ZGRF1: variants seen among roughly 807,000 people sequenced by gnomAD.
ZGRF1 encodes zinc finger GRF-type containing 1.
In ZGRF1, 196 loss-of-function variants were observed where a neutral mutation model predicts 203.5. That is an observed-to-expected ratio of 0.96 (90% CI 0.86 to 1.08). The LOEUF is 1.08. ZGRF1 is among the 50% of genes least tolerant of loss of function. ZGRF1 has a pLI of 0.00. For synonymous variants in ZGRF1, 809 were observed against 841.3 expected (o/e 0.96, Z 0.66); for missense variants, 2,326 against 2,416.3 (o/e 0.96, Z 0.78).
intron 18 of ZGRF1, 85 bp downstream of exon 18, chr4:112,562,286 T>C (rs747234536): frequency 8.1e-6 from 6 of 741,154 alleles, no homozygotes; most frequent in Non-Finnish European, 1.4e-5. Flanking sequence ...GCAACATTTA[T>C]ATACTGTACT....
chr4:112,596,111 C>G (rs1416523862), intron 10 of ZGRF1, among the ~76,000 whole-genome samples: 1 of 152,120 alleles, frequency 6.6e-6, no homozygotes, highest in East Asian at 1.9e-4. Context: ...ACATAAGTTT[C>G]TTTTTCAATA....
intron 4 of ZGRF1, among the ~76,000 whole-genome samples, chr4:112,622,881 C>T (rs1260144608): frequency 1.3e-5 from 2 of 152,010 alleles, no homozygotes; most frequent in African/African-American, 2.4e-5. Flanking sequence ...TAGGTAAACC[C>T]GTGTCATGGC....
chr4:112,605,255 G>A (rs1270070090), intron 9 of ZGRF1, among the ~76,000 whole-genome samples: 1 of 152,044 alleles, frequency 6.6e-6, no homozygotes, highest in African/African-American at 2.4e-5. Context: ...CCACCTCCCA[G>A]GTTCAAGTGA....
chr4:112,584,962 G>T (rs1306799342), intron 14 of ZGRF1, among the ~76,000 whole-genome samples: 1 of 152,134 alleles, frequency 6.6e-6, no homozygotes, highest in Non-Finnish European at 1.5e-5. Context: ...TACTTGTACT[G>T]GGGATTACAT....
chr4:112,602,513 T>C (rs1179790035), intron 10 of ZGRF1, among the ~76,000 whole-genome samples: 4 of 152,344 alleles, frequency 2.6e-5, no homozygotes, highest in South Asian at 4.1e-4. Context: ...ATCCAGTGAC[T>C]CAATGATGCT....
intron 16 of ZGRF1, among the ~76,000 whole-genome samples, chr4:112,564,163 A>T (rs1742556312): frequency 1.3e-5 from 2 of 152,352 alleles, no homozygotes; most frequent in African/African-American, 4.8e-5. Flanking sequence ...ATCAGTAAGG[A>T]TATTAGCAGT....
At chr4:112,584,378 A>G (rs1746809140) in intron 14 of ZGRF1, among the ~76,000 whole-genome samples, 1 of 152,212 alleles carries the variant, frequency 6.6e-6, no homozygotes, top group African/African-American at 2.4e-5. Context: ...TCAAAAGATT[A>G]CATTATTCTG....
intron 2 of ZGRF1, among the ~76,000 whole-genome samples, chr4:112,632,750 C>T (rs1363267104): frequency 1.3e-5 from 2 of 152,076 alleles, no homozygotes; most frequent in South Asian, 2.1e-4. Context: ...TAAAGAGTCC[C>T]GAGACCAAAT....
intron 16 of ZGRF1, among the ~76,000 whole-genome samples, chr4:112,568,805 A>G (rs1156903523): frequency 6.6e-6 from 1 of 151,936 alleles, no homozygotes; most frequent in Non-Finnish European, 1.5e-5. Context: ...TACAAGGTCA[A>G]GAGATCGAGA....
intron 11 of ZGRF1, among the ~76,000 whole-genome samples, chr4:112,588,471 A>T (rs1275314314): frequency 1.3e-5 from 2 of 152,122 alleles, no homozygotes; most frequent in Admixed American, 1.3e-4. Flanking sequence ...CCTTCAGAGT[A>T]AAAAAAGATT....
chr4:112,562,506 A>G (rs1468855541), intron 17 of ZGRF1, 21 bp from the exon 18 acceptor site: 1 of 1,410,362 alleles, frequency 7.1e-7, no homozygotes, highest in East Asian at 2.3e-5. Context: ...GATGCAGAAA[A>G]TAAACATTTG....
chr4:112,559,564 G>A (rs1361298488), intron 19 of ZGRF1, among the ~76,000 whole-genome samples: 1 of 152,192 alleles, frequency 6.6e-6, no homozygotes, highest in Admixed American at 6.5e-5. Context: ...GGCAAAACTA[G>A]TGGTAGATCA....
At chr4:112,549,445 T>G (rs186411940) in intron 22 of ZGRF1, among the ~76,000 whole-genome samples, 15 of 152,318 alleles carry the variant, frequency 9.8e-5, no homozygotes, top group South Asian at 6.2e-4. Flanking sequence ...TACACATACA[T>G]GTACATATAC....
chr4:112,582,134 T>C (rs1316473946), intron 15 of ZGRF1, among the ~76,000 whole-genome samples: 1 of 152,202 alleles, frequency 6.6e-6, no homozygotes, highest in Non-Finnish European at 1.5e-5. Flanking sequence ...CCTTTACACA[T>C]TGTGTAATGA....
chr4:112,633,114 G>A lies in ZGRF1; in HGVS notation c.21+42C>T, dbSNP rs749550342. The stretch of plus-strand genomic sequence containing the variant: ...AACGCCTTTAAAAGAAAGAGACAGA[G>A]GAAGGGAATTTCACCAAACTGTGAA... On this transcript the variant is annotated intron_variant, in intron 2 of 27. Transcript: ENST00000505019. 2.9e-5 allele frequency: 45 copies of A among 1,565,178 alleles called. No homozygotes were observed. The East Asian group carries it at 6.3e-4, about 22-fold the overall frequency.
At chr4:112,622,982 G>T (rs986453339) in intron 4 of ZGRF1, among the ~76,000 whole-genome samples, 1 of 151,900 alleles carries the variant, frequency 6.6e-6, no homozygotes, top group Non-Finnish European at 1.5e-5. Context: ...CCCTCTCTCC[G>T]TTTCTCAGTA....
chr4:112,543,770 T>G (rs950906983), intron 24 of ZGRF1, among the ~76,000 whole-genome samples: 2 of 152,190 alleles, frequency 1.3e-5, no homozygotes, highest in African/African-American at 4.8e-5. Context: ...TATTTCCACG[T>G]TTTTTGGTTC....
chr4:112,549,630 C>T (rs1193478144), intron 22 of ZGRF1, among the ~76,000 whole-genome samples: 1 of 152,178 alleles, frequency 6.6e-6, no homozygotes, highest in Non-Finnish European at 1.5e-5. Context: ...CCGGTGTAAA[C>T]AAACCTACTG....
Position 112,563,116 on chromosome 4 carries a change from C to T in ZGRF1, c.4582+15G>A. On this transcript the variant is annotated intron_variant, in intron 17 of 27. Transcript: ENST00000505019. ...CTTTTTAAATATAAACTAAAATGAG[C>T]ATAGTAATACTCACTGTTAGTGGGC... 6.6e-7 allele frequency: 1 copy of T among 1,521,990 alleles called. No individual in the cohort carries two copies. Among genetic ancestry groups the T allele is most frequent in the South Asian group, 1.2e-5 (1 of 80,166 alleles). 94.3% of individuals were successfully genotyped at this position (1,521,990 alleles called of 1,614,324 possible). A position where few individuals can be genotyped will look rare whatever the true frequency, so the allele number is the denominator to read the frequency against.
Sources: gnomAD v4.1 joint callset for allele counts (sites outside exome capture counted in the v4.1 genomes callset) on GRCh38, gnomAD v4.1.1 for gene constraint, MANE v1.5 for transcripts, NCBI Gene and HGNC (gene_info 2026-07-23, HGNC 2026-07-21) for gene names.